The following ADRA1A variants were observed in gnomAD, a reference collection of about 807,000 sequenced individuals.
ADRA1A encodes alpha-1A adrenergic receptor.
In ADRA1A, 31 loss-of-function variants were observed where a neutral mutation model predicts 29.6. The ratio of observed to expected loss-of-function variants is 1.05; its 90% CI spans 0.79 to 1.41. The LOEUF (loss-of-function observed/expected upper bound fraction) is 1.41. Among genes scored for constraint, ADRA1A ranks in the 40% most tolerant of loss-of-function variants. The pLI is 0.00. For synonymous variants in ADRA1A, 311 were observed against 254.3 expected (o/e 1.22, Z -2.12); for missense variants, 619 against 601.1 (o/e 1.03, Z -0.31).
At position 26,812,967 on chromosome 8, in the gene ADRA1A, G is replaced by T. The variant is rs79095692; in HGVS notation, c.884-42301C>A. 1.5e-3 allele frequency among the ~76,000 whole-genome samples: 226 copies of T among 148,932 alleles called. 3 individuals carry two copies. The East Asian group carries it at 0.04, about 27-fold the overall frequency. ...AGGCTTGAGCTACCACGCCCGGCCT[G>T]CCTTTTTATAATACATTTAATTTTT... is the stretch of plus-strand genomic sequence containing the variant. On this transcript the variant is annotated intron_variant, in intron 2 of 2. Coordinates refer to ENST00000380573, the MANE Select transcript of ADRA1A (RefSeq NM_000680.4).
downstream of ADRA1A, among the ~76,000 whole-genome samples, chr8:26,764,554 G>T (rs927878947): frequency 6.6e-6 from 1 of 152,168 alleles, no homozygotes; most frequent in Non-Finnish European, 1.5e-5. Flanking sequence ...GGGAAACATG[G>T]AGGTGTCATG....
chr8:26,850,025 C>CAAAAAAAAAAAAACAAAAAAAAAAAAACA (rs141672591), intron 2 of ADRA1A, among the ~76,000 whole-genome samples: 2 of 121,550 alleles, frequency 1.6e-5, no homozygotes, highest in East Asian at 4.6e-4. Flanking sequence ...GAGAGAAATG[C>CAAAAAAAAAAAAACAAAAAAAAAAAAACA]AAAAACAAAA....
intron 2 of ADRA1A, among the ~76,000 whole-genome samples, chr8:26,800,762 G>T (rs986602255): frequency 1.3e-5 from 2 of 151,914 alleles, no homozygotes; most frequent in Non-Finnish European, 2.9e-5. Flanking sequence ...CATTGTATGG[G>T]GCCAGTATTA....
chr8:26,752,257 T>A (rs2130150725), downstream of ADRA1A, among the ~76,000 whole-genome samples: 1 of 152,342 alleles, frequency 6.6e-6, no homozygotes, highest in Non-Finnish European at 1.5e-5. Context: ...GTTTTATAGA[T>A]GAGCTTGAGG....
intron 2 of ADRA1A, chr8:26,835,747 T>A (rs1811304211): frequency 6.6e-6 from 1 of 152,212 alleles, no homozygotes. Context: ...CTCATAGAGA[T>A]ATTCAGTGAC....
At chr8:26,811,199 T>TC (rs1809361784) in intron 2 of ADRA1A, among the ~76,000 whole-genome samples, 1 of 151,772 alleles carries the variant, frequency 6.6e-6, no homozygotes, top group African/African-American at 2.4e-5. Context: ...TCTTTTCTTT[T>TC]TTTTTTTTGT....
intron 2 of ADRA1A, among the ~76,000 whole-genome samples, chr8:26,760,676 T>C (rs905796618): frequency 2.0e-5 from 3 of 152,134 alleles, no homozygotes; most frequent in Admixed American, 2.0e-4. Flanking sequence ...TTGGTTCTTA[T>C]CCCATCTTGT....
chr8:26,803,085 G>A (rs916327257), intron 2 of ADRA1A, among the ~76,000 whole-genome samples: 3 of 152,144 alleles, frequency 2.0e-5, no homozygotes, highest in Non-Finnish European at 4.4e-5. Context: ...GGGAAGCGTA[G>A]TGGGAGGGTG....
chr8:26,776,388 A>G (rs1490437175), intron 2 of ADRA1A, among the ~76,000 whole-genome samples: 2 of 152,220 alleles, frequency 1.3e-5, no homozygotes, highest in Non-Finnish European at 2.9e-5. Context: ...TCTTAATGAC[A>G]ACCTTGAGAG....
chr8:26,819,455 G>C (rs1295912893), intron 2 of ADRA1A, among the ~76,000 whole-genome samples: 1 of 152,102 alleles, frequency 6.6e-6, no homozygotes, highest in African/African-American at 2.4e-5. Context: ...ACAAAAAGAT[G>C]TAAATTGTGA....
rs1805952311 is a variant in ADRA1A, at chr8:26,769,095, A to T, written c.*1054T>A. ...TTCCAACATGCCACAGGTGAAGCTC[A>T]TTCATTATGCAATAGTGAAGCAGAT... On this transcript the variant is annotated 3_prime_UTR_variant, in exon 3 of 3. Transcript: ENST00000380573. The T allele has an allele frequency of 2.0e-6, 2 of 985,184 alleles. No individual in the cohort carries two copies. Among genetic ancestry groups the T allele is most frequent in the Non-Finnish European group, 1.2e-6 (1 of 829,674 alleles). 61.0% of individuals were successfully genotyped at this position (985,184 alleles called of 1,614,324 possible). A position where few individuals can be genotyped will look rare whatever the true frequency, so the allele number is the denominator to read the frequency against.
downstream of ADRA1A, among the ~76,000 whole-genome samples, chr8:26,763,551 G>T (rs891838374): frequency 2.6e-4 from 39 of 151,968 alleles, no homozygotes; most frequent in African/African-American, 9.4e-4. This position sits in a 1 kb window ranked among gnomAD's most constrained non-coding sequence, Gnocchi z 4.5. Context: ...TCATGGAGTG[G>T]GGCCACTTTG....
Position 26,864,966 on chromosome 8 carries a change from C to T in ADRA1A, c.4G>A (p.Val2Met), listed in dbSNP as rs1239344489. Residue 2 changes from valine (V) to methionine (M), a missense_variant, in exon 2 of 3, where the codon GTG becomes ATG. Val to Met is a conservative substitution (Grantham distance 21). Transcript: ENST00000380573. The surrounding 1 kb of genome is among the most constrained non-coding windows in gnomAD (Gnocchi z 8.1). ...TCGGAAGCATTTCCCGAGAGAAACA[C>T]CATGGTCCCAGCCGGGGCCGGGCGA... Reference protein sequence around the residue: MVFLSGNASDSS... With the variant: MMFLSGNASDSS... 6.3e-7 allele frequency: 1 copy of T among 1,598,268 alleles called. No individual in the cohort carries two copies. Among genetic ancestry groups the T allele is most frequent in the Non-Finnish European group, 8.5e-7 (1 of 1,174,292 alleles).
At chr8:26,762,544 C>T (rs555100073), downstream of ADRA1A, among the ~76,000 whole-genome samples, 1 of 152,226 alleles carries the variant, frequency 6.6e-6, no homozygotes, top group African/African-American at 2.4e-5. This position sits in a 1 kb window ranked among gnomAD's most constrained non-coding sequence, Gnocchi z 4.0. Flanking sequence ...ACCCCAGCTT[C>T]TTTCACTGTT....
chr8:26,772,859 T>TCACA (rs71553824), intron 2 of ADRA1A, among the ~76,000 whole-genome samples: 64 of 102,696 alleles, frequency 6.2e-4, no homozygotes, highest in African/African-American at 2.1e-3. Context: ...TGTCTCAAAT[T>TCACA]CACACACACA....
rs1304582246 is a variant in ADRA1A at position 26,805,292 on chromosome 8, A to G, written c.884-34626T>C. On this transcript the variant is annotated intron_variant, in intron 2 of 2. Transcript: ENST00000380573. The surrounding 1 kb of genome is among the most constrained non-coding windows in gnomAD (Gnocchi z 4.8). Reference sequence around the variant, plus strand: ...GTATGGTTATTAATTGTGCTTTCTTACATTTTGAGTGTTATGAGCTAGACA... The same window carrying G: ...GTATGGTTATTAATTGTGCTTTCTTGCATTTTGAGTGTTATGAGCTAGACA... Among the ~76,000 whole-genome samples the G allele has an allele frequency of 1.3e-5, 2 of 152,140 alleles. No homozygotes were observed. Among genetic ancestry groups the G allele is most frequent in the Non-Finnish European group, 2.9e-5 (2 of 68,034 alleles).
At position 26,859,168 on chromosome 8, in the gene ADRA1A, T is replaced by C. The variant is rs1305231400; in HGVS notation, c.883+4919A>G. On this transcript the variant is annotated intron_variant, in intron 2 of 2. Coordinates refer to ENST00000380573, the MANE Select transcript of ADRA1A (RefSeq NM_000680.4). ...GCCTAGTGCAGACCGACAGCCCTTT[T>C]CTCCAAAACAGCACGTCATATTTAA... 3.1e-6 allele frequency: 4 copies of C among 1,289,962 alleles called. No homozygotes were observed. The East Asian group carries it at 2.2e-4, about 72-fold the overall frequency. 79.9% of individuals were successfully genotyped at this position (1,289,962 alleles called of 1,614,324 possible).
rs544988638 is a variant in ADRA1A, at chr8:26,806,469, TA to T, written c.884-35804del. Among the ~76,000 whole-genome samples, 30 of 152,078 alleles carry T rather than the reference TA, an allele frequency of 2.0e-4. No homozygotes were observed. The highest frequency in any genetic ancestry group is 3.7e-4 in the Non-Finnish European group (25 of 68,010). Reference sequence around the variant, plus strand: ...CCTCTGGCTCAGTTGAAATGGAATGTAAGTGCAATGCCAGAGCCTGGTAAAA... The same window carrying T: ...CCTCTGGCTCAGTTGAAATGGAATGTAGTGCAATGCCAGAGCCTGGTAAAA... On this transcript the variant is annotated intron_variant, in intron 2 of 2. Coordinates refer to ENST00000380573, the MANE Select transcript of ADRA1A (RefSeq NM_000680.4). The surrounding 1 kb of genome is among the most constrained non-coding windows in gnomAD (Gnocchi z 4.6).
chr8:26,837,721 G>A (rs1044043366), intron 2 of ADRA1A, among the ~76,000 whole-genome samples: 2 of 152,068 alleles, frequency 1.3e-5, no homozygotes, highest in South Asian at 4.1e-4. Flanking sequence ...CCCACAGTGG[G>A]GATGTGTTAT....
Sources: gnomAD v4.1 joint callset for allele counts (sites outside exome capture counted in the v4.1 genomes callset) on GRCh38, gnomAD v4.1.1 for gene constraint, Gnocchi (gnomAD v3.1) non-coding constraint, MANE v1.5 for transcripts, NCBI Gene and HGNC (gene_info 2026-07-23, HGNC 2026-07-21) for gene names.